PRKG1: variants seen among roughly 807,000 people sequenced by gnomAD.
The protein encoded by PRKG1 is cGMP-dependent protein kinase 1.
A neutral mutation model predicts 88.1 loss-of-function variants in PRKG1; 35 were observed. That is an observed-to-expected ratio of 0.40 (90% CI 0.30 to 0.53). The LOEUF is 0.53. Among genes scored for constraint, PRKG1 ranks in the 20% least tolerant of loss-of-function variants. PRKG1 has a pLI of 0.59. For synonymous variants in PRKG1, 303 were observed against 292.5 expected, an observed-to-expected ratio of 1.04 and a Z score of -0.37; for missense variants, 540 against 839.8, an observed-to-expected ratio of 0.64 and a Z score of 4.41.
chr10:52,023,348 C>A (rs146659039), intron 5 of PRKG1, among the ~76,000 whole-genome samples: 1 of 152,258 alleles, frequency 6.6e-6, no homozygotes, highest in African/African-American at 2.4e-5. Context: ...CAAGTCTTTG[C>A]TATTGTGAAC....
chr10:52,018,613 C>G (rs1184682692), intron 5 of PRKG1, among the ~76,000 whole-genome samples: 1 of 152,036 alleles, frequency 6.6e-6, no homozygotes, highest in African/African-American at 2.4e-5. Context: ...TAAAATGTAA[C>G]CTAGTTTCTT....
intron 4 of PRKG1, among the ~76,000 whole-genome samples, chr10:51,830,840 G>A (rs1309807164): frequency 1.3e-5 from 2 of 152,062 alleles, no homozygotes; most frequent in South Asian, 2.1e-4. Context: ...GGTATTACAG[G>A]CGTTAGCCAC....
At chr10:51,650,123 A>T (rs1840004524) in intron 3 of PRKG1, among the ~76,000 whole-genome samples, 1 of 152,062 alleles carries the variant, frequency 6.6e-6, no homozygotes, top group East Asian at 1.9e-4. Flanking sequence ...AGAGGTCAGA[A>T]TTTTACCAAC....
chr10:51,951,374 C>T (rs575505633), intron 5 of PRKG1, among the ~76,000 whole-genome samples: 1 of 152,328 alleles, frequency 6.6e-6, no homozygotes, highest in South Asian at 2.1e-4. Flanking sequence ...AGCCAACCCA[C>T]ATGTAATAAA....
chr10:52,110,786 C>A (rs922852555), intron 7 of PRKG1, among the ~76,000 whole-genome samples: 2 of 150,670 alleles, frequency 1.3e-5, no homozygotes, highest in Non-Finnish European at 2.9e-5. Context: ...ATTCGTCTGT[C>A]ATAGTCATAG....
intron 5 of PRKG1, among the ~76,000 whole-genome samples, chr10:51,936,214 C>T (rs12267417): frequency 0.017 from 2,602 of 151,946 alleles, 79 homozygotes; most frequent in African/African-American, 0.059. Context: ...CATGTGTTGT[C>T]TCAACAACTG....
At position 51,578,861 on chromosome 10, in the gene PRKG1, C is replaced by T. The variant is rs73341627; in HGVS notation, c.592+111025C>T. Among the ~76,000 whole-genome samples, 776 of 151,782 alleles carry T rather than the reference C, an allele frequency of 5.1e-3. 6 individuals are homozygous for T. The highest frequency in any genetic ancestry group is 0.018 in the African/African-American group (741 of 41,426). On this transcript the variant is annotated intron_variant, in intron 3 of 17. Coordinates refer to ENST00000373980, the MANE Select transcript of PRKG1 (RefSeq NM_006258.4). ...TAATTATGTTTTAATGAGATTGGGA[C>T]CAACCATAGACCATATAGCATATTT...
intron 1 of PRKG1, among the ~76,000 whole-genome samples, chr10:51,100,752 G>A (rs894403356): frequency 1.4e-4 from 22 of 152,140 alleles, no homozygotes; most frequent in African/African-American, 4.8e-4. Flanking sequence ...TATTTTGAAA[G>A]GCAAGACAGG....
intron 4 of PRKG1, among the ~76,000 whole-genome samples, chr10:51,848,640 T>G (rs906062816): frequency 1.7e-5 from 2 of 117,740 alleles, no homozygotes; most frequent in Non-Finnish European, 3.4e-5. Context: ...TATCTGTGTG[T>G]GTGTGTGTGT....
intron 2 of PRKG1, among the ~76,000 whole-genome samples, chr10:51,369,371 A>G (rs1268525550): frequency 6.6e-6 from 1 of 152,048 alleles, no homozygotes; most frequent in Non-Finnish European, 1.5e-5. Context: ...GTGTCCTCAT[A>G]TGGCAGGAGG....
rs199885359 is a variant in PRKG1, at chr10:51,558,411, TA to T, written c.592+90583del. 2.7e-3 allele frequency among the ~76,000 whole-genome samples: 413 copies of T among 152,056 alleles called. 3 individuals are homozygous for T. The highest frequency in any genetic ancestry group is 6.2e-3 in the African/African-American group (259 of 41,488). On this transcript the variant is annotated intron_variant, in intron 3 of 17. Coordinates refer to ENST00000373980, the MANE Select transcript of PRKG1 (RefSeq NM_006258.4). Reference sequence around the variant, plus strand: ...TGATCAAATGAGGACCATACTTGGTTAAAAAAAATTAATTTATTTATTCCTA... The same window carrying T: ...TGATCAAATGAGGACCATACTTGGTTAAAAAAATTAATTTATTTATTCCTA...
intron 1 of PRKG1, among the ~76,000 whole-genome samples, chr10:51,111,178 T>C (rs1307898022): frequency 1.3e-5 from 2 of 152,144 alleles, no homozygotes; most frequent in Admixed American, 1.3e-4. Context: ...TTTACTACTT[T>C]ATGCAGTAGG....
At chr10:51,199,034 A>G (rs1351728532) in intron 2 of PRKG1, among the ~76,000 whole-genome samples, 2 of 152,198 alleles carry the variant, frequency 1.3e-5, no homozygotes, top group African/African-American at 4.8e-5. Context: ...GAAGTGCAAA[A>G]AGGGTGACGA....
At chr10:51,298,015 C>T (rs2132233535) in intron 2 of PRKG1, among the ~76,000 whole-genome samples, 1 of 152,190 alleles carries the variant, frequency 6.6e-6, no homozygotes, top group Non-Finnish European at 1.5e-5. Context: ...TTCACTCATT[C>T]ATTTATGTAC....
intron 2 of PRKG1, among the ~76,000 whole-genome samples, chr10:51,399,336 C>T (rs1037166503): frequency 1.2e-4 from 18 of 151,966 alleles, no homozygotes; most frequent in Non-Finnish European, 1.9e-4. Context: ...TCTGTTTCTC[C>T]GGAGAACTCA....
chr10:51,638,951 T>G (rs1839725146), intron 3 of PRKG1, among the ~76,000 whole-genome samples: 1 of 152,170 alleles, frequency 6.6e-6, no homozygotes. Flanking sequence ...GATTGTAAGT[T>G]CTACATAAGA....
At chr10:51,970,432 C>A (rs1843681006) in intron 5 of PRKG1, among the ~76,000 whole-genome samples, 1 of 150,772 alleles carries the variant, frequency 6.6e-6, no homozygotes. Context: ...AGAATAGAGC[C>A]CCTATTTTTA....
At chr10:51,474,660 C>T (rs566204152) in intron 3 of PRKG1, among the ~76,000 whole-genome samples, 1 of 151,858 alleles carries the variant, frequency 6.6e-6, no homozygotes, top group Non-Finnish European at 1.5e-5. Context: ...TAATAAATTT[C>T]TTCAAAGGAG....
At chr10:51,567,849 A>C (rs1261540524) in intron 3 of PRKG1, among the ~76,000 whole-genome samples, 2 of 152,090 alleles carry the variant, frequency 1.3e-5, no homozygotes, top group Non-Finnish European at 2.9e-5. Context: ...AGCCTCTCAA[A>C]GTGCTGGGAT....
Sources: allele counts gnomAD v4.1 joint callset (sites outside exome capture counted in the v4.1 genomes callset), GRCh38; gene constraint gnomAD v4.1.1; transcripts MANE v1.5; gene names NCBI Gene and HGNC (gene_info 2026-07-23, HGNC 2026-07-21).